Variants in ANK3 observed in about 807,000 individuals in gnomAD.
ANK3 encodes the protein ankyrin 3, also known as ankyrin-3.
ANK3 carries 57 observed loss-of-function variants against 370.9 expected under a neutral mutation model. The ratio of observed to expected loss-of-function variants is 0.15; its 90% CI spans 0.12 to 0.19. The LOEUF (loss-of-function observed/expected upper bound fraction) is 0.19, where lower values mean the gene tolerates loss of function less well. Ranked by LOEUF, ANK3 falls within the 10% of genes least tolerant of loss-of-function variation. The pLI, the probability that ANK3 is intolerant of heterozygous loss-of-function variation, is 1.00. For synonymous variants in ANK3, 1,929 were observed against 1,946.3 expected (o/e 0.99, Z 0.23); for missense variants, 4,439 against 5,302.1 (o/e 0.84, Z 5.06).
intron 2 of ANK3, among the ~76,000 whole-genome samples, chr10:60,488,362 G>A (rs2075403321): frequency 6.6e-6 from 1 of 152,090 alleles, no homozygotes; most frequent in African/African-American, 2.4e-5. Context: ...AAGAGCTCCT[G>A]AAAAATATGT....
At chr10:60,689,595 T>C (rs1402012392) in intron 1 of ANK3, among the ~76,000 whole-genome samples, 1 of 151,496 alleles carries the variant, frequency 6.6e-6, no homozygotes, top group Non-Finnish European at 1.5e-5. Context: ...CTACTAAAAA[T>C]ACAAAAATTA....
intron 1 of ANK3, among the ~76,000 whole-genome samples, chr10:60,338,558 G>T (rs1312108912): frequency 6.6e-6 from 1 of 152,136 alleles, no homozygotes; most frequent in Non-Finnish European, 1.5e-5. Flanking sequence ...CACGTGCATG[G>T]TATGTCAACA....
In ANK3 at chr10:60,067,989, G is replaced by A. The variant is rs1241719626; in HGVS notation, c.12265C>T (p.Arg4089Trp). The A allele has an allele frequency of 1.4e-5, 22 of 1,609,744 alleles. No individual in the cohort carries two copies. The highest frequency in any genetic ancestry group is 4.0e-5 in the African/African-American group (3 of 74,840). ...RRTGPQSPCERTDIRMAIVAD... is the reference protein window; with the variant it reads ...RRTGPQSPCEWTDIRMAIVAD... ...ACTATTGCCATCCTGATATCTGTCC[G>A]TTCACATGGACTCTGTGGACCTACG... The change falls in exon 38 of 44, where the codon CGG (arginine) becomes TGG (tryptophan). Residue 4089 changes from arginine to tryptophan, a missense_variant. Arg to Trp is a moderately radical substitution (Grantham distance 101, BLOSUM62 -3). Around this residue, in one of 13 missense-constraint regions of ANK3, gnomAD observed 99 missense variants for 150.7 expected, o/e 0.66. Coordinates refer to ENST00000280772, the MANE Select transcript of ANK3 (RefSeq NM_020987.5).
chr10:60,128,564 A>G (rs1272975837), intron 25 of ANK3, among the ~76,000 whole-genome samples: 2 of 152,028 alleles, frequency 1.3e-5, no homozygotes, highest in Admixed American at 1.3e-4. Flanking sequence ...TATTTTTAGT[A>G]GAGACAGGGT....
At chr10:60,247,116 C>A (rs950793560) in intron 7 of ANK3, among the ~76,000 whole-genome samples, 4 of 152,054 alleles carry the variant, frequency 2.6e-5, no homozygotes, top group Non-Finnish European at 5.9e-5. Context: ...CCCAGGTTCA[C>A]GCCATTCTCC....
chr10:60,698,024 C>G (rs1266816009), intron 1 of ANK3, among the ~76,000 whole-genome samples: 2 of 152,102 alleles, frequency 1.3e-5, no homozygotes, highest in Non-Finnish European at 2.9e-5. Flanking sequence ...AGGCTAATAT[C>G]CAGAATCTAC....
intron 2 of ANK3, among the ~76,000 whole-genome samples, chr10:60,434,867 T>C (rs371315822): frequency 5.3e-5 from 8 of 152,362 alleles, no homozygotes; most frequent in African/African-American, 1.9e-4. Flanking sequence ...TTTTGATTAA[T>C]GTAAAAATTT....
chr10:60,617,861 A>G (rs112214367), intron 1 of ANK3, among the ~76,000 whole-genome samples: 81 of 152,192 alleles, frequency 5.3e-4, no homozygotes, highest in African/African-American at 1.9e-3. Flanking sequence ...TTTTTTGCAC[A>G]TCTTATTACA....
chr10:60,213,061 G>T (rs572911270), intron 9 of ANK3, among the ~76,000 whole-genome samples: 1 of 152,194 alleles, frequency 6.6e-6, no homozygotes, highest in African/African-American at 2.4e-5. Context: ...GTAAGCTGAG[G>T]TGCTGAAGAT....
At chr10:60,600,439 A>G (rs920594997) in intron 2 of ANK3, among the ~76,000 whole-genome samples, 1 of 152,178 alleles carries the variant, frequency 6.6e-6, no homozygotes, top group South Asian at 2.1e-4. Context: ...CAAAACTTAC[A>G]GCAGTCCCTA....
chr10:60,043,396 A>G (rs1299948060), intron 42 of ANK3: 2 of 983,588 alleles, frequency 2.0e-6, no homozygotes, highest in East Asian at 1.1e-4. Flanking sequence ...ACTTTTTCTA[A>G]TGTAAACATT....
Position 60,270,241 on chromosome 10 carries a change from GA to G in ANK3, c.415-13del, listed in dbSNP as rs762575878. 50 of 1,549,372 alleles carry G rather than the reference GA, an allele frequency of 3.2e-5. No individual in the cohort carries two copies. The highest frequency in any genetic ancestry group is 1.1e-4 in the South Asian group (9 of 81,948). ...GGCGTGAAACCATTCTGCAAAATAA[GA>G]AAAAAAATGTTTGTCTGCAGCTTTC... is the stretch of plus-strand genomic sequence containing the variant. On this transcript the variant is annotated splice_polypyrimidine_tract_variant and intron_variant, in intron 4 of 43. Coordinates refer to ENST00000280772, the MANE Select transcript of ANK3 (RefSeq NM_020987.5).
chr10:60,687,396 CA>C (rs2079282750), intron 1 of ANK3, among the ~76,000 whole-genome samples: 1 of 152,064 alleles, frequency 6.6e-6, no homozygotes, highest in Non-Finnish European at 1.5e-5. Flanking sequence ...AGGGCTTGAA[CA>C]AGCATTTTTC....
intron 24 of ANK3, among the ~76,000 whole-genome samples, chr10:60,137,054 C>T (rs1413720069): frequency 6.6e-6 from 1 of 152,014 alleles, no homozygotes; most frequent in African/African-American, 2.4e-5. Context: ...TTTCTGCAAA[C>T]CCAGTGAAAT....
At position 60,200,369 on chromosome 10, in the gene ANK3, A is replaced by G. The variant is rs2096653470; in HGVS notation, c.1393-142T>C. On this transcript the variant is annotated intron_variant, in intron 12 of 43. Coordinates refer to ENST00000280772, the MANE Select transcript of ANK3 (RefSeq NM_020987.5). ...TCCTTATTGAAAAGATAGGAAATCA[A>G]ATGCATGAGAATTTCACAGGAACCT... 3.8e-5 allele frequency: 27 copies of G among 708,470 alleles called. No individual in the cohort carries two copies. The South Asian group carries it at 4.0e-4, about 11-fold the overall frequency. 43.9% of individuals were successfully genotyped at this position (708,470 alleles called of 1,614,324 possible).
intron 28 of ANK3, among the ~76,000 whole-genome samples, chr10:60,103,004 G>A (rs1206464109): frequency 6.6e-6 from 1 of 151,842 alleles, no homozygotes; most frequent in Non-Finnish European, 1.5e-5. Context: ...AGGCTGGAGT[G>A]CAGTGGCGCG....
chr10:60,457,244 A>C (rs1244093320), intron 2 of ANK3, among the ~76,000 whole-genome samples: 1 of 152,174 alleles, frequency 6.6e-6, no homozygotes, highest in Non-Finnish European at 1.5e-5. Flanking sequence ...GAATGGGTAG[A>C]AATGATGGGT....
intron 2 of ANK3, among the ~76,000 whole-genome samples, chr10:60,527,441 A>G (rs747433679): frequency 2.0e-5 from 3 of 152,166 alleles, no homozygotes; most frequent in Non-Finnish European, 4.4e-5. Context: ...TCAGAAATAC[A>G]CACCCACATG....
chr10:60,579,358 CT>C (rs2077721867), intron 2 of ANK3, among the ~76,000 whole-genome samples: 1 of 140,360 alleles, frequency 7.1e-6, no homozygotes, highest in Admixed American at 7.1e-5. Flanking sequence ...AAAGATATTT[CT>C]AGTTGCAAAA....
Sources: allele counts gnomAD v4.1 joint callset (sites outside exome capture counted in the v4.1 genomes callset), GRCh38; gene constraint gnomAD v4.1.1; regional missense constraint gnomAD v4.1.1; transcripts MANE v1.5; gene names NCBI Gene and HGNC (gene_info 2026-07-23, HGNC 2026-07-21).